Variants in LY96 observed in about 807,000 individuals in gnomAD.
LY96 encodes the protein myeloid differentiation protein-2.
In LY96, 18 loss-of-function variants were observed where a neutral mutation model predicts 18.9. That is an observed-to-expected ratio of 0.95 (90% CI 0.66 to 1.41). The LOEUF (loss-of-function observed/expected upper bound fraction) is 1.41, where lower values mean the gene tolerates loss of function less well. LY96 is among the 40% of genes most tolerant of loss of function. The probability of loss-of-function intolerance (pLI) is 0.00; values close to 1 mark genes in which losing one functional copy is unlikely to be tolerated. For synonymous variants in LY96, 66 were observed against 62.6 expected (o/e 1.06, Z -0.26); for missense variants, 175 against 182.4 (o/e 0.96, Z 0.23).
At chr8:73,999,922 T>C (rs947437238) in intron 1 of LY96, among the ~76,000 whole-genome samples, 3 of 152,224 alleles carry the variant, frequency 2.0e-5, no homozygotes, top group Non-Finnish European at 2.9e-5. Flanking sequence ...TGGATGCTTT[T>C]TTTTTTCTTG....
At chr8:73,997,818 A>G (rs1388298634) in intron 1 of LY96, among the ~76,000 whole-genome samples, 1 of 152,232 alleles carries the variant, frequency 6.6e-6, no homozygotes, top group Non-Finnish European at 1.5e-5. Context: ...CAAAGGATAC[A>G]GACGAATAGC....
chr8:74,054,640 C>CTTTCT, the LY96 span, among the ~76,000 whole-genome samples: 1 of 118,238 alleles, frequency 8.5e-6, no homozygotes, highest in African/African-American at 3.2e-5. Flanking sequence ...TTCTTTCTTT[C>CTTTCT]TTTCTTTCTT....
chr8:74,020,667 C>T (rs1347105097), intron 3 of LY96, among the ~76,000 whole-genome samples: 1 of 152,204 alleles, frequency 6.6e-6, no homozygotes, highest in East Asian at 1.9e-4. Flanking sequence ...TGACTTCAAA[C>T]TATACTACAA....
At chr8:74,066,730 C>T in the LY96 span, among the ~76,000 whole-genome samples, 1 of 152,076 alleles carries the variant, frequency 6.6e-6, no homozygotes, top group Non-Finnish European at 1.5e-5. Context: ...GCAGGGTGGA[C>T]CCAAGGCAAG....
At chr8:74,019,647 T>A (rs1816719078) in intron 3 of LY96, among the ~76,000 whole-genome samples, 2 of 152,168 alleles carry the variant, frequency 1.3e-5, no homozygotes, top group South Asian at 4.1e-4. Flanking sequence ...ATATTCCTAA[T>A]GAACATCGAT....
At chr8:74,074,556 A>G in the LY96 span, among the ~76,000 whole-genome samples, 1 of 151,882 alleles carries the variant, frequency 6.6e-6, no homozygotes, top group Non-Finnish European at 1.5e-5. Context: ...TTGCTTTTCT[A>G]CTTGCTTAAG....
At chr8:74,004,394 T>C (rs1007840121) in intron 1 of LY96, among the ~76,000 whole-genome samples, 3 of 152,066 alleles carry the variant, frequency 2.0e-5, no homozygotes, top group African/African-American at 4.8e-5. Flanking sequence ...TCTCCTCCCA[T>C]GGGTGGAGCT....
chr8:74,064,077 A>G, the LY96 span, among the ~76,000 whole-genome samples: 1 of 152,240 alleles, frequency 6.6e-6, no homozygotes, highest in Non-Finnish European at 1.5e-5. Context: ...AATTTATAGT[A>G]GCCTTTGTTT....
chr8:74,036,227 C>G, the LY96 span, among the ~76,000 whole-genome samples: 4 of 152,260 alleles, frequency 2.6e-5, no homozygotes, highest in East Asian at 5.8e-4. Context: ...GGGGCTGAAG[C>G]CACCTTTGTA....
chr8:74,017,317 A>G (rs1199423214), intron 3 of LY96, among the ~76,000 whole-genome samples: 1 of 152,234 alleles, frequency 6.6e-6, no homozygotes, highest in African/African-American at 2.4e-5. Context: ...TTGAAGATCA[A>G]ATTAGTGAAA....
At chr8:74,024,345 A>C (rs1001219612) in intron 3 of LY96, among the ~76,000 whole-genome samples, 1 of 150,126 alleles carries the variant, frequency 6.7e-6, no homozygotes, top group Non-Finnish European at 1.5e-5. Context: ...TTATTATATT[A>C]TTATATAATA....
Position 74,008,163 on chromosome 8 carries a change from C to G in LY96, c.203-1838C>G, listed in dbSNP as rs146103300. Among the ~76,000 whole-genome samples the G allele has an allele frequency of 7.9e-5, 12 of 152,330 alleles. No individual in the cohort carries two copies. In the East Asian group the frequency reaches 2.3e-3, roughly 29 times the overall value. On this transcript the variant is annotated intron_variant, in intron 2 of 4. Transcript: ENST00000284818. ...GCCATCGTTCATGTTCTTAACGTGA[C>G]CACAGTGGTGTCCAAGGACAAGGAG...
At chr8:74,001,522 A>G (rs1816269172) in intron 1 of LY96, among the ~76,000 whole-genome samples, 1 of 152,118 alleles carries the variant, frequency 6.6e-6, no homozygotes. Context: ...GAGCCAGCAC[A>G]CTTGGCCTCT....
chr8:74,034,295 C>G, the LY96 span, among the ~76,000 whole-genome samples: 1 of 151,998 alleles, frequency 6.6e-6, no homozygotes, highest in African/African-American at 2.4e-5. Flanking sequence ...TTGTTTGAGC[C>G]TGGGAGATGG....
the LY96 span, among the ~76,000 whole-genome samples, chr8:74,094,838 G>A: frequency 6.6e-5 from 10 of 152,306 alleles, no homozygotes; most frequent in South Asian, 1.7e-3. Flanking sequence ...AAAAAGGAAC[G>A]ATTCTGATGG....
chr8:74,007,289 A>G (rs1816434705), intron 2 of LY96, among the ~76,000 whole-genome samples: 1 of 152,236 alleles, frequency 6.6e-6, no homozygotes, highest in Non-Finnish European at 1.5e-5. Context: ...TACTCTTCTC[A>G]CAGCAGCTGC....
At chr8:74,002,598 G>T (rs1409818127) in intron 1 of LY96, among the ~76,000 whole-genome samples, 2 of 146,854 alleles carry the variant, frequency 1.4e-5, no homozygotes, top group African/African-American at 5.0e-5. Context: ...TTGAGACAGA[G>T]TCTTGTTCTG....
At chr8:74,015,704 G>A (rs764845096) in intron 3 of LY96, among the ~76,000 whole-genome samples, 23 of 152,220 alleles carry the variant, frequency 1.5e-4, no homozygotes, top group East Asian at 5.8e-4. Flanking sequence ...CTCAGATCCC[G>A]CCCCCTGCAT....
At chr8:74,068,083 A>ATATATATATATATAT in the LY96 span, among the ~76,000 whole-genome samples, 145 of 95,722 alleles carry the variant, frequency 1.5e-3, 7 homozygotes, top group African/African-American at 9.9e-3. Context: ...AAAAAAAAAA[A>ATATATATATATATAT]AAAAAAATAT....
Sources: allele counts gnomAD v4.1 joint callset (sites outside exome capture counted in the v4.1 genomes callset), GRCh38; gene constraint gnomAD v4.1.1; transcripts MANE v1.5; gene names NCBI Gene and HGNC (gene_info 2026-07-23, HGNC 2026-07-21).